The following STXBP5L variants were observed in gnomAD, a reference collection of about 807,000 sequenced individuals.
STXBP5L encodes the protein syntaxin-binding protein 5-like.
STXBP5L carries 65 observed loss-of-function variants against 144.5 expected under a neutral mutation model. The ratio of observed to expected loss-of-function variants is 0.45; its 90% confidence interval spans 0.37 to 0.55. STXBP5L has a LOEUF of 0.55. Ranked by LOEUF, STXBP5L falls within the 20% of genes least tolerant of loss-of-function variation. STXBP5L has a pLI of 0.00. For synonymous variants in STXBP5L, 505 were observed against 469.6 expected (o/e 1.08, Z -0.97); for missense variants, 1,298 against 1,405.5 (o/e 0.92, Z 1.22).
intron 5 of STXBP5L, among the ~76,000 whole-genome samples, chr3:121,088,354 C>T (rs1293385970): frequency 8.7e-6 from 1 of 114,504 alleles, no homozygotes; most frequent in Non-Finnish European, 1.8e-5. Flanking sequence ...CTCATCATCA[C>T]TGGCCATCAG....
intron 5 of STXBP5L, among the ~76,000 whole-genome samples, chr3:121,091,945 T>C (rs1193212393): frequency 6.6e-6 from 1 of 152,186 alleles, no homozygotes; most frequent in East Asian, 1.9e-4. Context: ...CTTGAATTAA[T>C]TTTTGTATAA....
At position 121,419,959 on chromosome 3, in the gene STXBP5L, T is replaced by C. The variant is rs577503686; in HGVS notation, c.*862T>C. ...TCTATAGGAACAATAGAGTTAGCTA[T>C]GAGAACTGACTTCACAAAAAGGGAA... On this transcript the variant is annotated 3_prime_UTR_variant, in exon 27 of 27. Transcript: ENST00000471454. 1 of 152,314 alleles carries C rather than the reference T, an allele frequency of 6.6e-6. No homozygotes were observed. The highest frequency in any genetic ancestry group is 6.5e-5 in the Admixed American group (1 of 15,290). 9.4% of individuals were successfully genotyped at this position (152,314 alleles called of 1,614,324 possible). A position where few individuals can be genotyped will look rare whatever the true frequency, so the allele number is the denominator to read the frequency against.
chr3:121,299,473 G>T (rs1445831146), intron 19 of STXBP5L, among the ~76,000 whole-genome samples: 1 of 151,968 alleles, frequency 6.6e-6, no homozygotes, highest in African/African-American at 2.4e-5. Flanking sequence ...AAAAACAAAA[G>T]TTCACATGAT....
chr3:121,033,593 A>AAAATAAAT (rs142763903), intron 3 of STXBP5L, among the ~76,000 whole-genome samples: 1 of 151,374 alleles, frequency 6.6e-6, no homozygotes, highest in Non-Finnish European at 1.5e-5. Context: ...AAAACATTAA[A>AAAATAAAT]AAATAAATAA....
At chr3:121,067,945 A>G (rs893300643) in intron 5 of STXBP5L, among the ~76,000 whole-genome samples, 1 of 152,210 alleles carries the variant, frequency 6.6e-6, no homozygotes, top group Non-Finnish European at 1.5e-5. Flanking sequence ...TTTCCATTAT[A>G]TTATTGTCAA....
chr3:121,395,491 CA>C (rs1268306038), intron 22 of STXBP5L, among the ~76,000 whole-genome samples: 1 of 151,922 alleles, frequency 6.6e-6, no homozygotes, highest in Non-Finnish European at 1.5e-5. Flanking sequence ...AATATTCTTG[CA>C]TTTTTTTCTG....
chr3:121,318,300 T>TA (rs998593926), intron 19 of STXBP5L, among the ~76,000 whole-genome samples, 175 bp from the exon 20 acceptor site: 31 of 148,138 alleles, frequency 2.1e-4, no homozygotes, highest in East Asian at 3.9e-4. Context: ...TCTATAAAAA[T>TA]AAAAAAAAAA....
At chr3:121,401,661 G>A (rs1291305822) in intron 22 of STXBP5L, among the ~76,000 whole-genome samples, 131 of 115,902 alleles carry the variant, frequency 1.1e-3, no homozygotes, top group African/African-American at 4.2e-3. Context: ...ACCAAACACC[G>A]CATATTCTCA....
At chr3:121,152,027 G>A (rs999133184) in intron 7 of STXBP5L, among the ~76,000 whole-genome samples, 4 of 151,908 alleles carry the variant, frequency 2.6e-5, no homozygotes, top group Admixed American at 1.3e-4. Flanking sequence ...TAAAACATCA[G>A]TTTAAAATAT....
rs1025182113 is a variant in STXBP5L, at chr3:121,079,746, A to G, written c.470+34211A>G. ...ATTGAGGCTTATTTTGTGGCCTGTCATGGTCTATCTTGGAGAATGTTCCCC... is the reference window on the plus strand; with the variant it reads ...ATTGAGGCTTATTTTGTGGCCTGTCGTGGTCTATCTTGGAGAATGTTCCCC... On this transcript the variant is annotated intron_variant, in intron 5 of 26. Transcript: ENST00000471454. 2.0e-5 allele frequency among the ~76,000 whole-genome samples: 3 copies of G among 152,162 alleles called. No individual in the cohort carries two copies. In the South Asian group the frequency reaches 6.2e-4, roughly 31 times the overall value.
intron 5 of STXBP5L, among the ~76,000 whole-genome samples, chr3:121,090,109 T>G (rs77990441): frequency 0.072 from 11,034 of 152,260 alleles, 531 homozygotes; most frequent in Non-Finnish European, 0.11. Context: ...TTCTATTTCC[T>G]ATTATAATAA....
intron 5 of STXBP5L, among the ~76,000 whole-genome samples, chr3:121,091,313 C>T (rs1429053238): frequency 2.0e-5 from 3 of 147,534 alleles, no homozygotes. Context: ...ATGGCTGGGT[C>T]AAATGGTATT....
At chr3:121,132,185 TC>T (rs967162904) in intron 7 of STXBP5L, among the ~76,000 whole-genome samples, 2 of 152,140 alleles carry the variant, frequency 1.3e-5, no homozygotes, top group African/African-American at 4.8e-5. Context: ...CTTCTGACCC[TC>T]CCTGCCCTGC....
intron 15 of STXBP5L, 25 bp downstream of exon 15, chr3:121,250,788 A>C: frequency 6.3e-7 from 1 of 1,599,226 alleles, no homozygotes; most frequent in Non-Finnish European, 8.5e-7. Flanking sequence ...TCTGTACAAC[A>C]GAAACCAATT....
At chr3:121,348,043 A>G (rs185936642) in intron 20 of STXBP5L, among the ~76,000 whole-genome samples, 1 of 152,120 alleles carries the variant, frequency 6.6e-6, no homozygotes, top group Non-Finnish European at 1.5e-5. Context: ...ACCAGTTTTC[A>G]CAGGGAATGC....
chr3:120,997,527 T>C (rs1298288840), intron 3 of STXBP5L, among the ~76,000 whole-genome samples: 2 of 152,156 alleles, frequency 1.3e-5, no homozygotes, highest in Non-Finnish European at 2.9e-5. Flanking sequence ...TGCATTTCTC[T>C]AATGATTGAA....
At chr3:120,927,481 T>C (rs1709698393) in intron 2 of STXBP5L, among the ~76,000 whole-genome samples, 1 of 152,198 alleles carries the variant, frequency 6.6e-6, no homozygotes. Context: ...TGCTAATGCT[T>C]TCCCTGGGTT....
Position 121,165,557 on chromosome 3 carries a change from T to C in STXBP5L, c.877+7930T>C, listed in dbSNP as rs1002099060. On this transcript the variant is annotated intron_variant, in intron 9 of 26. Transcript: ENST00000471454. The stretch of plus-strand genomic sequence containing the variant: ...CTCTTTCCTTATCCTGCTTTTGTTG[T>C]AGGAAAAACTGGTTCTTATAACACG... Among the ~76,000 whole-genome samples the C allele has an allele frequency of 2.1e-4, 32 of 152,112 alleles. 1 individual carries two copies. The highest frequency in any genetic ancestry group is 4.7e-4 in the Non-Finnish European group (32 of 68,014).
At chr3:121,033,961 C>G (rs2107520499) in intron 3 of STXBP5L, among the ~76,000 whole-genome samples, 1 of 152,068 alleles carries the variant, frequency 6.6e-6, no homozygotes, top group South Asian at 2.1e-4. Flanking sequence ...CATGCCATTT[C>G]TATGTTTTTA....
Sources: allele counts gnomAD v4.1 joint callset (sites outside exome capture counted in the v4.1 genomes callset), GRCh38; gene constraint gnomAD v4.1.1; transcripts MANE v1.5; gene names NCBI Gene and HGNC (gene_info 2026-07-23, HGNC 2026-07-21).